The following NEB variants were observed in gnomAD, a reference collection of about 807,000 sequenced individuals.
NEB encodes nebulin.
A neutral mutation model predicts 952.2 loss-of-function variants in NEB; 512 were observed. That is an observed-to-expected ratio of 0.54 (90% CI 0.50 to 0.58). The LOEUF is 0.58. NEB is among the 20% of genes least tolerant of loss of function. The pLI is 0.00. For synonymous variants in NEB, 2,900 were observed against 3,149.8 expected, an observed-to-expected ratio of 0.92 and a Z score of 2.66; for missense variants, 8,428 against 9,231.1, an observed-to-expected ratio of 0.91 and a Z score of 3.56.
chr2:151,728,045 G>A (rs1414034250), intron 4 of NEB, 139 bp from the exon 5 acceptor site: 13 of 665,966 alleles, frequency 2.0e-5, no homozygotes, highest in Non-Finnish European at 3.1e-5. Flanking sequence ...AGCCAAAGCA[G>A]GAAATGGCAC....
intron 110 of NEB, 44 bp from the exon 111 acceptor site, chr2:151,568,760 C>T (rs2096523854): frequency 7.4e-7 from 1 of 1,349,294 alleles, no homozygotes; most frequent in Non-Finnish European, 1.0e-6. Flanking sequence ...AATTCCTAGA[C>T]ATGTGTGAAC....
chr2:151,517,813 G>C (rs2078786967), intron 156 of NEB, among the ~76,000 whole-genome samples: 1 of 152,154 alleles, frequency 6.6e-6, no homozygotes, highest in Non-Finnish European at 1.5e-5. Context: ...ACCTGCATAG[G>C]GTAGCTCCAT....
chr2:151,620,787 G>A, intron 72 of NEB, 132 bp downstream of exon 72: 1 of 635,712 alleles, frequency 1.6e-6, no homozygotes, highest in Non-Finnish European at 2.7e-6. Context: ...CAAGTTATCT[G>A]TATCTCAACC....
At chr2:151,733,068 G>T in intron 3 of NEB, 53 bp downstream of exon 3, 3 of 1,504,462 alleles carry the variant, frequency 2.0e-6, no homozygotes, top group Non-Finnish European at 1.8e-6. Context: ...ACACAGCTTT[G>T]ATTGTCACTA....
chr2:151,546,523 C>A, intron 133 of NEB, 80 bp from the exon 134 acceptor site: 11 of 768,620 alleles, frequency 1.4e-5, no homozygotes, highest in Non-Finnish European at 2.2e-5. Context: ...AGCAACACTT[C>A]TTAATTACTG....
rs1025699909 is a variant in NEB, at chr2:151,658,790, C to G, written c.6075+275G>C. 2.0e-5 allele frequency among the ~76,000 whole-genome samples: 3 copies of G among 152,068 alleles called. No homozygotes were observed. In the East Asian group the frequency reaches 5.8e-4, roughly 29 times the overall value. On this transcript the variant is annotated intron_variant, in intron 47 of 181. Transcript: ENST00000397345. ...TTTTTCTCTTCTCCTGGCCCCGGAG[C>G]CTGTTTCTTTCTACCAAATCTCTCA...
chr2:151,697,597 A>G lies in NEB; in HGVS notation c.1204T>C (p.Cys402Arg). 6.2e-7 allele frequency: 1 copy of G among 1,613,220 alleles called. No homozygotes were observed. Among genetic ancestry groups the G allele is most frequent in the Admixed American group, 1.7e-5 (1 of 59,824 alleles). Residue 402 changes from cysteine to arginine, a missense_variant, in exon 14 of 182, where the codon TGC (cysteine) becomes CGC (arginine). Coordinates refer to ENST00000397345, the MANE Select transcript of NEB (RefSeq NM_001164508.2). ...TCGAGCTTGAATTTGGGGGTCTCGC[A>G]GTAATTTATGCTCTTTGCTTTTGTC... is the stretch of plus-strand genomic sequence containing the variant. ...EKTKAKSINY[C>R]ETPKFKLDTV...
intron 46 of NEB, among the ~76,000 whole-genome samples, chr2:151,661,507 G>A (rs946387531): frequency 6.6e-6 from 1 of 152,198 alleles, no homozygotes; most frequent in Admixed American, 6.5e-5. Context: ...TGATCCACCA[G>A]TGCTGCTGCA....
chr2:151,497,465 T>G, intron 171 of NEB, 161 bp downstream of exon 171: 5 of 982,926 alleles, frequency 5.1e-6, no homozygotes, highest in Non-Finnish European at 6.0e-6. Context: ...GGGAATGGTG[T>G]TAGGCTAGAA....
chr2:151,490,302 G>A, intron 180 of NEB, 70 bp downstream of exon 180: 1 of 1,517,656 alleles, frequency 6.6e-7, no homozygotes, highest in Non-Finnish European at 8.9e-7. Context: ...TGTACTCAAA[G>A]CATCTCTTAT....
At chr2:151,688,212 CT>C in intron 25 of NEB, 79 bp downstream of exon 25, 1 of 1,182,822 alleles carries the variant, frequency 8.5e-7, no homozygotes, top group Non-Finnish European at 1.2e-6. Context: ...TGCACAATTC[CT>C]TGTCTTGTCT....
intron 68 of NEB, 136 bp downstream of exon 68, chr2:151,629,403 A>G (rs759071844): frequency 1.2e-5 from 9 of 781,090 alleles, no homozygotes; most frequent in Non-Finnish European, 1.6e-5. Context: ...TTCAAATGAA[A>G]AACTTTGAAT....
At chr2:151,500,429 A>G (rs1291140864) in intron 168 of NEB, among the ~76,000 whole-genome samples, 1 of 115,142 alleles carries the variant, frequency 8.7e-6, no homozygotes, top group East Asian at 2.5e-4. Context: ...ATAATACACA[A>G]ATAATTTGTG....
At position 151,674,581 on chromosome 2, in the gene NEB, A is replaced by G; in HGVS notation, c.3883T>C (p.Cys1295Arg). 6.3e-7 allele frequency: 1 copy of G among 1,599,986 alleles called. No homozygotes were observed. Among genetic ancestry groups the G allele is most frequent in the African/African-American group, 1.3e-5 (1 of 74,826 alleles). ...AAGTCATACCAATCCCGTTTATAAC[A>G]GACCTGGACAGAAAAGCAAACAGAA... is the stretch of plus-strand genomic sequence containing the variant. ...KCNAYNISDV[C>R]YKRDWYDLIA... The change falls in exon 36 of 182, where the codon TGT becomes CGT. Residue 1295 changes from cysteine to arginine, a missense_variant. Transcript: ENST00000397345.
At chr2:151,665,942 G>C in intron 41 of NEB, 148 bp downstream of exon 41, 1 of 802,866 alleles carries the variant, frequency 1.2e-6, no homozygotes, top group Non-Finnish European at 1.9e-6. Context: ...GCCACCTATA[G>C]TTCAAATGAG....
intron 181 of NEB, chr2:151,486,216 A>C: frequency 3.2e-6 from 1 of 315,798 alleles, no homozygotes; most frequent in South Asian, 6.5e-5. Flanking sequence ...TCTCCAAAAA[A>C]GATAGACAAA....
Position 151,616,081 on chromosome 2 carries a change from G to T in NEB, c.11210C>A (p.Ser3737Tyr). The T allele has an allele frequency of 6.2e-7, 1 of 1,612,708 alleles. No homozygotes were observed. Among genetic ancestry groups the T allele is most frequent in the Non-Finnish European group, 8.5e-7 (1 of 1,179,390 alleles). ...ACGCAAGTCATAGCCTTCCTTCTTG[G>T]ACTCTTCCAAAGCAAGTTTATAGAG... is the stretch of plus-strand genomic sequence containing the variant. The part of the protein sequence containing the change: ...DKLYKLALEE[S>Y]KKEGYDLRLD... The change falls in exon 76 of 182, where the codon TCC becomes TAC. Residue 3737 changes from serine (S) to tyrosine (Y), a missense_variant. Ser to Tyr is a moderately radical substitution (Grantham distance 144). This residue lies in a region of NEB where 1,772 missense variants were observed against 1,960.3 expected (regional missense o/e 0.90). Coordinates refer to ENST00000397345, the MANE Select transcript of NEB (RefSeq NM_001164508.2).
chr2:151,636,889 G>A (rs1208430501), intron 63 of NEB, among the ~76,000 whole-genome samples: 4 of 152,090 alleles, frequency 2.6e-5, no homozygotes, highest in African/African-American at 7.2e-5. Flanking sequence ...ATTACAGGTT[G>A]TTTTAAAAAA....
At chr2:151,616,240 G>A (rs1320736354) in intron 75 of NEB, 131 bp from the exon 76 acceptor site, 2 of 645,224 alleles carry the variant, frequency 3.1e-6, no homozygotes, top group East Asian at 2.9e-5. Context: ...TGGGTTTATA[G>A]ATAGCTTTGC....
Sources: allele counts gnomAD v4.1 joint callset (sites outside exome capture counted in the v4.1 genomes callset), GRCh38; gene constraint gnomAD v4.1.1; regional missense constraint gnomAD v4.1.1; transcripts MANE v1.5; gene names NCBI Gene and HGNC (gene_info 2026-07-23, HGNC 2026-07-21).